PCDHA10: variants seen among roughly 807,000 people sequenced by gnomAD.
The protein encoded by PCDHA10 is protocadherin alpha-10.
A neutral mutation model predicts 61.2 loss-of-function variants in PCDHA10; 45 were observed. The observed-to-expected ratio is 0.74, with a 90% CI of 0.58 to 0.94. The LOEUF is 0.94. Ranked by LOEUF, PCDHA10 falls within the 40% of genes least tolerant of loss-of-function variation. The pLI, the probability that PCDHA10 is intolerant of heterozygous loss-of-function variation, is 0.00. For missense variants in PCDHA10, 1,278 were observed against 1,236.2 expected (o/e 1.03, Z -0.51); for synonymous variants, 602 against 548.8 (o/e 1.10, Z -1.35).
intron 1 of PCDHA10, among the ~76,000 whole-genome samples, chr5:140,975,537 C>T (rs1554236874): frequency 6.6e-6 from 1 of 152,166 alleles, no homozygotes; most frequent in African/African-American, 2.4e-5. Context: ...ATTCTTAATA[C>T]AGTCCTATTA....
intron 1 of PCDHA10, chr5:140,881,964 A>G (rs1297923565): frequency 8.1e-6 from 3 of 368,944 alleles, no homozygotes; most frequent in East Asian, 9.0e-5. Context: ...TTAATCTTCA[A>G]TTACATATTT....
At chr5:140,929,298 A>G (rs1554206937) in intron 1 of PCDHA10, 26 of 1,591,722 alleles carry the variant, frequency 1.6e-5, no homozygotes, top group Non-Finnish European at 2.1e-5. Context: ...GGAATAGGAA[A>G]GGGGATCACG....
At chr5:140,886,330 T>C (rs1403720039) in intron 1 of PCDHA10, among the ~76,000 whole-genome samples, 1 of 152,192 alleles carries the variant, frequency 6.6e-6, no homozygotes, top group Admixed American at 6.5e-5. Context: ...CTGGGATACA[T>C]GTGCAGAACG....
intron 1 of PCDHA10, chr5:140,870,343 C>T (rs375366430): frequency 1.9e-6 from 3 of 1,614,160 alleles, no homozygotes; most frequent in African/African-American, 2.7e-5. Flanking sequence ...CGCCCTGGAC[C>T]GCGAGAACGT....
Position 140,881,340 on chromosome 5 carries a change from CG to C in PCDHA10, c.2388+22907del, listed in dbSNP as rs1453642152. Reference sequence around the variant, plus strand: ...ATTCTATTTAACCAGGACGCCGATTCGGGCTACAATGCGTGGCTTTCGTATG... The same window carrying C: ...ATTCTATTTAACCAGGACGCCGATTCGGCTACAATGCGTGGCTTTCGTATG... On this transcript the variant is annotated intron_variant, in intron 1 of 3. Coordinates refer to ENST00000307360, the MANE Select transcript of PCDHA10 (RefSeq NM_018901.4). The C allele has an allele frequency of 3.0e-6, 3 of 984,934 alleles. No individual in the cohort carries two copies. The African/African-American group carries it at 5.2e-5, about 17-fold the overall frequency. The allele number at this position is 984,934 out of a possible 1,614,324, so 61.0% of individuals were successfully genotyped here. A position where few individuals can be genotyped will look rare whatever the true frequency, so the allele number is the denominator to read the frequency against.
chr5:140,873,412 T>C (rs2054273798), intron 1 of PCDHA10, among the ~76,000 whole-genome samples: 1 of 152,210 alleles, frequency 6.6e-6, no homozygotes, highest in Non-Finnish European at 1.5e-5. Context: ...GGTTAAAATT[T>C]TGTAAATTAT....
intron 3 of PCDHA10, among the ~76,000 whole-genome samples, chr5:140,991,446 A>G (rs782325342): frequency 6.6e-6 from 1 of 152,202 alleles, no homozygotes; most frequent in Non-Finnish European, 1.5e-5. Flanking sequence ...ATGGCTTAAA[A>G]CAACACAATG....
Position 141,010,227 on chromosome 5 carries a change from C to T in PCDHA10, c.*290C>T. 6.4e-7 allele frequency: 1 copy of T among 1,551,876 alleles called. No homozygotes were observed. The highest frequency in any genetic ancestry group is 8.7e-7 in the Non-Finnish European group (1 of 1,147,036). On this transcript the variant is annotated 3_prime_UTR_variant, in exon 4 of 4. Coordinates refer to ENST00000307360, the MANE Select transcript of PCDHA10 (RefSeq NM_018901.4). ...GCCGCAAAGGAGAGGCTTCCCAGCC[C>T]CGCCAGTGAGAGGTTGGACTCTCTG...
chr5:140,973,923 C>T (rs1157032594), intron 1 of PCDHA10, among the ~76,000 whole-genome samples: 1 of 152,170 alleles, frequency 6.6e-6, no homozygotes, highest in African/African-American at 2.4e-5. Flanking sequence ...TCACCAAACC[C>T]AGAGGTTTAG....
intron 1 of PCDHA10, among the ~76,000 whole-genome samples, chr5:140,950,195 C>T (rs186601471): frequency 6.6e-6 from 1 of 152,028 alleles, no homozygotes; most frequent in South Asian, 2.1e-4. Flanking sequence ...AAAAAATAGT[C>T]ATTTCTGTTT....
At chr5:140,875,253 A>C in intron 1 of PCDHA10, 1 of 1,053,108 alleles carries the variant, frequency 9.5e-7, no homozygotes, top group Non-Finnish European at 1.3e-6. Flanking sequence ...AATCAGTCAC[A>C]TGATGTCGCT....
intron 1 of PCDHA10, among the ~76,000 whole-genome samples, chr5:140,970,367 TA>T (rs1554232416): frequency 6.6e-6 from 1 of 152,216 alleles, no homozygotes; most frequent in Non-Finnish European, 1.5e-5. Flanking sequence ...TGATTTGCTA[TA>T]GCTTCAAAAG....
At chr5:141,000,385 CTCTCTCTCTCTATA>C (rs1173975015) in intron 3 of PCDHA10, among the ~76,000 whole-genome samples, 30 of 64,968 alleles carry the variant, frequency 4.6e-4, no homozygotes, top group African/African-American at 1.8e-3. Context: ...CTCTCTCTCT[CTCTCTCTCTCTATA>C]TATATATATA....
intron 1 of PCDHA10, chr5:140,966,627 C>G: frequency 6.3e-6 from 6 of 951,596 alleles, no homozygotes; most frequent in Non-Finnish European, 8.6e-6. Flanking sequence ...AGGGAGCGGC[C>G]CCAGGCGCTT....
intron 1 of PCDHA10, among the ~76,000 whole-genome samples, chr5:140,911,819 A>C (rs2075652599): frequency 6.6e-6 from 1 of 152,164 alleles, no homozygotes; most frequent in Admixed American, 6.6e-5. Context: ...CTTCTCCAGA[A>C]ACCCCAAAAC....
At chr5:140,966,447 C>G (rs373859357) in intron 1 of PCDHA10, 3 of 425,206 alleles carry the variant, frequency 7.1e-6, no homozygotes, top group Non-Finnish European at 8.2e-6. Flanking sequence ...CTCCCTTTCC[C>G]CCTCCCCCTC....
In PCDHA10 at chr5:140,976,792, T is replaced by C. The variant is rs982135806; in HGVS notation, c.2389-2157T>C. 2.1e-4 allele frequency among the ~76,000 whole-genome samples: 32 copies of C among 152,216 alleles called. 1 individual carries two copies. The highest frequency in any genetic ancestry group is 1.0e-3 in the Admixed American group (16 of 15,274). ...AGACTCTGACTATATAGCTACGCTT[T>C]TATGAATATCTGAAGATATGCATGT... On this transcript the variant is annotated intron_variant, in intron 1 of 3. Coordinates refer to ENST00000307360, the MANE Select transcript of PCDHA10 (RefSeq NM_018901.4).
chr5:140,917,491 C>G (rs2078223929), intron 1 of PCDHA10, among the ~76,000 whole-genome samples: 1 of 152,172 alleles, frequency 6.6e-6, no homozygotes, highest in Non-Finnish European at 1.5e-5. Flanking sequence ...GGGCCTATGC[C>G]CAGAATGATA....
intron 1 of PCDHA10, chr5:140,883,849 G>A (rs2059850853): frequency 1.2e-6 from 2 of 1,612,940 alleles, no homozygotes; most frequent in East Asian, 2.2e-5. Context: ...ACCACGAGGA[G>A]CTGGAGCTGT....
Sources: gnomAD v4.1 joint callset for allele counts (sites outside exome capture counted in the v4.1 genomes callset) on GRCh38, gnomAD v4.1.1 for gene constraint, MANE v1.5 for transcripts, NCBI Gene and HGNC (gene_info 2026-07-23, HGNC 2026-07-21) for gene names.